DENND2B: variants seen among roughly 807,000 people sequenced by gnomAD.
DENND2B encodes the protein DENN domain containing 2B, also known as DENN domain-containing protein 2B.
Under a neutral mutation model 116.0 loss-of-function variants are expected in DENND2B, and 32 were observed. That is an observed-to-expected ratio of 0.28 (90% CI 0.21 to 0.37). The LOEUF is 0.37. DENND2B is among the 10% of genes least tolerant of loss of function. The pLI is 1.00. For synonymous variants in DENND2B, 588 were observed against 583.9 expected (o/e 1.01, Z -0.10); for missense variants, 1,276 against 1,477.7 (o/e 0.86, Z 2.24).
intron 1 of DENND2B, among the ~76,000 whole-genome samples, chr11:8,753,769 G>GATT (rs1191936864): frequency 6.6e-6 from 1 of 152,146 alleles, no homozygotes; most frequent in Non-Finnish European, 1.5e-5. Flanking sequence ...ATGGTCAACA[G>GATT]ATTTTCAATA....
At chr11:8,863,271 T>C (rs1054010980) in intron 2 of DENND2B, among the ~76,000 whole-genome samples, 12 of 148,648 alleles carry the variant, frequency 8.1e-5, no homozygotes, top group Non-Finnish European at 1.3e-4. Context: ...TTTTTTTTTT[T>C]TTTGAGACCG....
chr11:8,757,159 T>C (rs1214761354), intron 1 of DENND2B: 1 of 451,882 alleles, frequency 2.2e-6, no homozygotes, highest in Non-Finnish European at 4.4e-6. Flanking sequence ...AACTGCTAGT[T>C]ATGTGACCTT....
At chr11:8,870,057 G>A (rs1319421316) in intron 2 of DENND2B, among the ~76,000 whole-genome samples, 1 of 152,184 alleles carries the variant, frequency 6.6e-6, no homozygotes, top group African/African-American at 2.4e-5. Flanking sequence ...CAGCTAAGAG[G>A]TAGCTGAAAA....
At chr11:8,715,420 T>C (rs1435435587) in intron 6 of DENND2B, 183 bp downstream of exon 6, 9 of 625,550 alleles carry the variant, frequency 1.4e-5, no homozygotes, top group African/African-American at 3.7e-5. Flanking sequence ...TGCATCTTTA[T>C]TGATAAGAAA....
chr11:8,695,898 T>G, intron 18 of DENND2B: 1 of 346,996 alleles, frequency 2.9e-6, no homozygotes, highest in Non-Finnish European at 5.3e-6. Flanking sequence ...ACTAAATGGA[T>G]AGTATTAGAG....
At chr11:8,875,326 GAAA>G (rs1426384383), upstream of DENND2B, among the ~76,000 whole-genome samples, 1 of 107,890 alleles carries the variant, frequency 9.3e-6, no homozygotes, top group Admixed American at 9.5e-5. Flanking sequence ...CAGTCTCAAA[GAAA>G]AAAAAAAAAA....
chr11:8,762,816 C>T (rs1344788504), intron 1 of DENND2B, among the ~76,000 whole-genome samples: 13 of 152,150 alleles, frequency 8.5e-5, no homozygotes, highest in South Asian at 2.1e-4. Context: ...GCCAAGATCG[C>T]GCCATTACAC....
intron 1 of DENND2B, chr11:8,808,419 G>A: frequency 6.6e-6 from 1 of 152,196 alleles, no homozygotes; most frequent in East Asian, 1.9e-4. Flanking sequence ...CATGAGTCAG[G>A]TGACCAAGGA....
At chr11:8,802,937 T>A (rs1415415941) in intron 1 of DENND2B, among the ~76,000 whole-genome samples, 2 of 152,214 alleles carry the variant, frequency 1.3e-5, no homozygotes, top group African/African-American at 4.8e-5. Flanking sequence ...TCCTAGAATC[T>A]GGTTGATGGG....
intron 3 of DENND2B, among the ~76,000 whole-genome samples, chr11:8,840,978 T>A (rs189247846): frequency 7.2e-4 from 109 of 152,064 alleles, no homozygotes; most frequent in Middle Eastern, 3.4e-3. Context: ...ACTGTGATTT[T>A]AAAAGAAAAA....
intron 3 of DENND2B, among the ~76,000 whole-genome samples, chr11:8,726,843 T>C (rs2047158886): frequency 6.6e-6 from 1 of 152,088 alleles, no homozygotes; most frequent in African/African-American, 2.4e-5. Context: ...TGCTGGGTGG[T>C]TTGTTGAAGC....
chr11:8,699,944 C>G (rs765903867), intron 14 of DENND2B: 1 of 456,284 alleles, frequency 2.2e-6, no homozygotes, highest in South Asian at 1.5e-5. Flanking sequence ...CTTGAATACC[C>G]GGCCAGGCCA....
At chr11:8,767,073 C>G (rs79120406) in intron 1 of DENND2B, among the ~76,000 whole-genome samples, 2,656 of 152,274 alleles carry the variant, frequency 0.017, 71 homozygotes, top group African/African-American at 0.059. Flanking sequence ...CCTCACCTAT[C>G]GCCTGAGCCC....
At chr11:8,733,665 C>T (rs1271668796) in intron 2 of DENND2B, among the ~76,000 whole-genome samples, 1 of 152,156 alleles carries the variant, frequency 6.6e-6, no homozygotes, top group Admixed American at 6.5e-5. Flanking sequence ...ATTCACCAGT[C>T]CATGGAACCA....
At chr11:8,830,118 A>G (rs909481696) in intron 4 of DENND2B, among the ~76,000 whole-genome samples, 1 of 152,074 alleles carries the variant, frequency 6.6e-6, no homozygotes, top group Admixed American at 6.5e-5. Flanking sequence ...TCCTATTTTC[A>G]TCGATCTACA....
chr11:8,743,074 AAAG>A (rs1274813578), intron 2 of DENND2B, among the ~76,000 whole-genome samples: 3 of 151,684 alleles, frequency 2.0e-5, no homozygotes, highest in Non-Finnish European at 4.4e-5. Context: ...CAGAAAAAGA[AAAG>A]AAGAGAAATG....
rs2568052 is a variant in DENND2B, at chr11:8,849,322, G to A, written c.-156+8021C>T. On this transcript the variant is annotated intron_variant, in intron 3 of 6. Coordinates refer to the DENND2B transcript ENST00000524757. ...AGCCTGACCAACGTGGTGAAACCCC[G>A]TCTCTACTAAAAACACAAAAATTTG... Among the ~76,000 whole-genome samples, 1,433 of 151,426 alleles carry A rather than the reference G, an allele frequency of 9.5e-3. 19 individuals are homozygous for A. The highest frequency in any genetic ancestry group is 0.031 in the African/African-American group (1,293 of 41,252).
rs551905874 is a variant in DENND2B at position 8,694,141 on chromosome 11, G to T, written c.3380-11C>A. On this transcript the variant is annotated splice_polypyrimidine_tract_variant and intron_variant, in intron 19 of 19. Coordinates refer to ENST00000313726, the MANE Select transcript of DENND2B (RefSeq NM_213618.2). Reference sequence around the variant, plus strand: ...ACTTCATTTTGTTGCCTGTGGGCCAGAGAGGACAAGAGAGAATGTTCAGTG... The same window carrying T: ...ACTTCATTTTGTTGCCTGTGGGCCATAGAGGACAAGAGAGAATGTTCAGTG... The T allele has an allele frequency of 2.8e-5, 45 of 1,614,152 alleles. No individual in the cohort carries two copies. The highest frequency in any genetic ancestry group is 3.7e-5 in the Non-Finnish European group (44 of 1,180,002).
chr11:8,810,740 C>A (rs897050927), upstream of DENND2B: 1 of 152,298 alleles, frequency 6.6e-6, no homozygotes, highest in African/African-American at 2.4e-5. Flanking sequence ...GGCGGGCGCG[C>A]GCACAGCGGC....
Sources: gnomAD v4.1 joint callset for allele counts (sites outside exome capture counted in the v4.1 genomes callset) on GRCh38, gnomAD v4.1.1 for gene constraint, MANE v1.5 for transcripts, NCBI Gene and HGNC (gene_info 2026-07-23, HGNC 2026-07-21) for gene names.